The following XIRP2 variants were observed in gnomAD, a reference collection of about 807,000 sequenced individuals.
XIRP2 encodes the protein xin actin binding repeat containing 2.
Under a neutral mutation model 277.0 loss-of-function variants are expected in XIRP2, and 236 were observed. The ratio of observed to expected loss-of-function variants is 0.85; its 90% CI spans 0.77 to 0.95. The LOEUF is 0.95. XIRP2 is among the 40% of genes least tolerant of loss of function. The probability of loss-of-function intolerance (pLI) is 0.00; values close to 1 mark genes in which losing one functional copy is unlikely to be tolerated. For missense variants in XIRP2, 4,640 were observed against 4,157.5 expected (o/e 1.12, Z -3.19); for synonymous variants, 1,490 against 1,416.5 (o/e 1.05, Z -1.17).
At chr2:166,953,017 C>A (rs1686074000) in intron 2 of XIRP2, among the ~76,000 whole-genome samples, 2 of 152,054 alleles carry the variant, frequency 1.3e-5, no homozygotes, top group South Asian at 4.1e-4. Context: ...TGTCAAGAAA[C>A]TAAACATGAT....
chr2:166,972,715 T>C (rs544579904), intron 2 of XIRP2, among the ~76,000 whole-genome samples: 1 of 152,160 alleles, frequency 6.6e-6, no homozygotes, highest in Non-Finnish European at 1.5e-5. Context: ...TCAGAAGAGG[T>C]TTTCACATAC....
intron 2 of XIRP2, among the ~76,000 whole-genome samples, chr2:166,984,276 G>A (rs973702571): frequency 1.3e-5 from 2 of 152,120 alleles, no homozygotes; most frequent in Non-Finnish European, 2.9e-5. Context: ...TTTCTACAAG[G>A]TGTCTCATAT....
intron 2 of XIRP2, among the ~76,000 whole-genome samples, chr2:167,109,613 A>T (rs112076955): frequency 2.0e-5 from 3 of 152,156 alleles, no homozygotes; most frequent in African/African-American, 7.2e-5. Context: ...TCTAACGTTC[A>T]TGGGCATTTA....
intron 2 of XIRP2, among the ~76,000 whole-genome samples, chr2:166,975,109 T>G (rs1219510259): frequency 6.6e-6 from 1 of 151,992 alleles, no homozygotes; most frequent in Non-Finnish European, 1.5e-5. Flanking sequence ...GACACAAAAA[T>G]TATAAATACA....
chr2:166,971,937 T>G (rs1180918276), intron 2 of XIRP2, among the ~76,000 whole-genome samples: 2 of 151,976 alleles, frequency 1.3e-5, no homozygotes, highest in African/African-American at 2.4e-5. Context: ...GAAAAATACG[T>G]GAATGAATGT....
At chr2:167,037,725 G>A (rs1688550722) in intron 2 of XIRP2, among the ~76,000 whole-genome samples, 2 of 151,512 alleles carry the variant, frequency 1.3e-5, no homozygotes, top group African/African-American at 2.4e-5. Flanking sequence ...AATAAAACAG[G>A]GACACAGGAA....
At chr2:166,897,409 T>C (rs1446184249) in intron 1 of XIRP2, among the ~76,000 whole-genome samples, 2 of 152,044 alleles carry the variant, frequency 1.3e-5, no homozygotes, top group African/African-American at 2.4e-5. Flanking sequence ...GAGGGAATGG[T>C]GGCATGCGTC....
chr2:166,945,015 C>T (rs1685816220), intron 2 of XIRP2, among the ~76,000 whole-genome samples: 2 of 152,094 alleles, frequency 1.3e-5, no homozygotes, highest in Non-Finnish European at 2.9e-5. Flanking sequence ...GTCAACTCTG[C>T]TTGTGTTTGC....
intron 3 of XIRP2, among the ~76,000 whole-genome samples, chr2:167,194,468 G>T (rs531984742): frequency 6.6e-6 from 1 of 151,742 alleles, no homozygotes; most frequent in Non-Finnish European, 1.5e-5. Flanking sequence ...CCCTTCCTTC[G>T]TTTTTATTTC....
intron 2 of XIRP2, among the ~76,000 whole-genome samples, chr2:166,939,693 A>AAAAAACAAAAAAC (rs1305818949): frequency 7.5e-6 from 1 of 133,450 alleles, no homozygotes; most frequent in Non-Finnish European, 1.6e-5. Context: ...AAAAAAAAAA[A>AAAAAACAAAAAAC]AAAAACAAAA....
intron 2 of XIRP2, among the ~76,000 whole-genome samples, chr2:166,917,610 C>T (rs1684924189): frequency 2.0e-5 from 3 of 151,322 alleles, no homozygotes; most frequent in Admixed American, 6.6e-5. Flanking sequence ...TGTGCAGTCA[C>T]AATATGACAC....
intron 3 of XIRP2, among the ~76,000 whole-genome samples, chr2:167,193,953 C>G (rs1693426109): frequency 6.6e-6 from 1 of 151,152 alleles, no homozygotes; most frequent in Non-Finnish European, 1.5e-5. Context: ...GAGGAAGTGT[C>G]AAACTAAATT....
rs112991259 is a variant in XIRP2 at position 166,912,993 on chromosome 2, G to T, written c.408+9103G>T. 3.2e-3 allele frequency among the ~76,000 whole-genome samples: 489 copies of T among 152,276 alleles called. 4 individuals carry two copies. Among genetic ancestry groups the T allele is most frequent in the African/African-American group, 0.011 (444 of 41,578 alleles). On this transcript the variant is annotated intron_variant, in intron 2 of 10. Coordinates refer to ENST00000409195, the MANE Select transcript of XIRP2 (RefSeq NM_152381.6). ...TCGTCTCAGAGGGTTACTCGGCCGT[G>T]TGAGGTGTCAATCTGCCCCTACTGG...
chr2:167,049,887 G>A (rs75622400), intron 2 of XIRP2, among the ~76,000 whole-genome samples: 4,337 of 151,936 alleles, frequency 0.029, 209 homozygotes, highest in African/African-American at 0.098. Flanking sequence ...AACAAATATC[G>A]TTGTTTTAGT....
chr2:167,229,119 T>C (rs971638368), intron 5 of XIRP2, among the ~76,000 whole-genome samples: 1 of 152,084 alleles, frequency 6.6e-6, no homozygotes, highest in African/African-American at 2.4e-5. Context: ...CAAAAAGTAT[T>C]TGATGTTAAT....
chr2:166,986,922 C>T (rs958424774), intron 2 of XIRP2, among the ~76,000 whole-genome samples: 2 of 152,102 alleles, frequency 1.3e-5, no homozygotes, highest in Non-Finnish European at 2.9e-5. Flanking sequence ...TGGGTTTTTT[C>T]CAAGAAATAT....
chr2:166,932,350 G>T (rs186869231), intron 2 of XIRP2, among the ~76,000 whole-genome samples: 1 of 151,760 alleles, frequency 6.6e-6, no homozygotes, highest in African/African-American at 2.4e-5. Flanking sequence ...CCAAGTAGCT[G>T]GGGCTACAGA....
chr2:166,958,587 C>CAAATA (rs1160068850), intron 2 of XIRP2, among the ~76,000 whole-genome samples: 4 of 151,486 alleles, frequency 2.6e-5, no homozygotes, highest in Non-Finnish European at 5.9e-5. Context: ...TCTCTCTGTG[C>CAAATA]AAATAAAATA....
intron 2 of XIRP2, among the ~76,000 whole-genome samples, chr2:167,110,352 A>G (rs1258457150): frequency 6.6e-6 from 1 of 152,142 alleles, no homozygotes; most frequent in Non-Finnish European, 1.5e-5. Context: ...TGTATGTAGT[A>G]TAAGGTAAGG....
Sources: allele counts gnomAD v4.1 joint callset (sites outside exome capture counted in the v4.1 genomes callset), GRCh38; gene constraint gnomAD v4.1.1; transcripts MANE v1.5; gene names NCBI Gene and HGNC (gene_info 2026-07-23, HGNC 2026-07-21).